Variants in SUCLG2 observed in about 807,000 individuals in gnomAD.
SUCLG2 encodes succinate-CoA ligase GDP-forming subunit beta.
SUCLG2 carries 42 observed loss-of-function variants against 47.9 expected under a neutral mutation model. The observed-to-expected ratio is 0.88, with a 90% CI of 0.69 to 1.14. The LOEUF is 1.14. SUCLG2 is among the 50% of genes most tolerant of loss of function. The pLI is 0.00. For synonymous variants in SUCLG2, 195 were observed against 197.3 expected, an observed-to-expected ratio of 0.99 and a Z score of 0.10; for missense variants, 571 against 525.9, an observed-to-expected ratio of 1.09 and a Z score of -0.84.
At chr3:67,654,468 C>T in intron 1 of SUCLG2, 35 bp downstream of exon 1, 1 of 1,228,332 alleles carries the variant, frequency 8.1e-7, no homozygotes, top group Non-Finnish European at 1.0e-6. Flanking sequence ...GCCGGCGCCG[C>T]TGCTGGCGCC....
chr3:67,558,485 C>T (rs1387355835), intron 2 of SUCLG2, among the ~76,000 whole-genome samples: 1 of 152,154 alleles, frequency 6.6e-6, no homozygotes. Flanking sequence ...ATGGTCCCAC[C>T]TGGCTTGTAG....
intron 2 of SUCLG2, among the ~76,000 whole-genome samples, chr3:67,592,416 TTA>T (rs1159108173): frequency 6.6e-6 from 1 of 152,182 alleles, no homozygotes; most frequent in Non-Finnish European, 1.5e-5. Flanking sequence ...TGATAAGACC[TTA>T]TGGAGCAACT....
downstream of SUCLG2, among the ~76,000 whole-genome samples, chr3:67,372,044 G>T (rs891046577): frequency 1.3e-5 from 2 of 152,140 alleles, no homozygotes; most frequent in East Asian, 3.9e-4. Flanking sequence ...AGGAGATTTA[G>T]ACCAGAGAGC....
intron 10 of SUCLG2, among the ~76,000 whole-genome samples, chr3:67,385,079 T>C (rs1436637373): frequency 6.6e-6 from 1 of 152,240 alleles, no homozygotes; most frequent in African/African-American, 2.4e-5. Flanking sequence ...TCGCTCTTTT[T>C]GATGGCTCAT....
At chr3:67,520,808 T>G (rs1706080659) in intron 4 of SUCLG2, among the ~76,000 whole-genome samples, 174 bp from the exon 5 acceptor site, 1 of 152,158 alleles carries the variant, frequency 6.6e-6, no homozygotes, top group Non-Finnish European at 1.5e-5. Context: ...CAATGCCCAT[T>G]TTCACCTCCT....
At chr3:67,495,248 A>G (rs916434267) in intron 9 of SUCLG2, among the ~76,000 whole-genome samples, 1 of 152,172 alleles carries the variant, frequency 6.6e-6, no homozygotes, top group Non-Finnish European at 1.5e-5. Flanking sequence ...GGCACACTGT[A>G]TCTTTTTTAT....
At chr3:67,372,542 T>A (rs867466478), downstream of SUCLG2, among the ~76,000 whole-genome samples, 1 of 152,176 alleles carries the variant, frequency 6.6e-6, no homozygotes, top group Non-Finnish European at 1.5e-5. Context: ...ATTATTCCAA[T>A]GCACCTGTGA....
chr3:67,498,338 G>T, intron 7 of SUCLG2, 43 bp from the exon 8 acceptor site: 3 of 1,595,512 alleles, frequency 1.9e-6, no homozygotes, highest in Non-Finnish European at 2.6e-6. Context: ...ATCTCTTGAG[G>T]ATCTATAAAT....
intron 2 of SUCLG2, among the ~76,000 whole-genome samples, chr3:67,558,897 TA>T (rs1253357045): frequency 1.2e-4 from 19 of 152,248 alleles, no homozygotes; most frequent in Admixed American, 1.2e-3. Flanking sequence ...CCTATTTTAT[TA>T]AAATCATCAG....
intron 9 of SUCLG2, among the ~76,000 whole-genome samples, chr3:67,473,617 C>T (rs1704660518): frequency 6.6e-6 from 1 of 152,122 alleles, no homozygotes; most frequent in South Asian, 2.1e-4. Context: ...TTGCACACTT[C>T]ATTTTAGAGG....
At chr3:67,568,952 G>A (rs943106107) in intron 2 of SUCLG2, among the ~76,000 whole-genome samples, 2 of 152,304 alleles carry the variant, frequency 1.3e-5, no homozygotes, top group East Asian at 1.9e-4. Flanking sequence ...GCTATATGGA[G>A]TTTCCACTTT....
chr3:67,486,916 C>A (rs575803871), intron 9 of SUCLG2, among the ~76,000 whole-genome samples: 6 of 152,278 alleles, frequency 3.9e-5, no homozygotes, highest in Admixed American at 1.3e-4. Context: ...CTTGAATGAC[C>A]TTGAAAGTGC....
At chr3:67,479,634 G>A (rs999738442) in intron 9 of SUCLG2, among the ~76,000 whole-genome samples, 3 of 152,204 alleles carry the variant, frequency 2.0e-5, no homozygotes, top group African/African-American at 7.2e-5. Flanking sequence ...GAAAGAAAGC[G>A]CTAAGAGTGA....
chr3:67,366,753 G>C (rs1379470608), intron 10 of SUCLG2, among the ~76,000 whole-genome samples: 1 of 152,144 alleles, frequency 6.6e-6, no homozygotes, highest in Non-Finnish European at 1.5e-5. Context: ...AGTTTGGGAA[G>C]AACTGTTAGC....
chr3:67,371,908 CAAT>C (rs1349409024), downstream of SUCLG2, among the ~76,000 whole-genome samples: 3 of 152,242 alleles, frequency 2.0e-5, no homozygotes, highest in Non-Finnish European at 4.4e-5. Flanking sequence ...AGTAAAACAA[CAAT>C]GACAGATTCA....
intron 2 of SUCLG2, among the ~76,000 whole-genome samples, chr3:67,550,394 C>T (rs1706981282): frequency 1.3e-5 from 2 of 152,050 alleles, no homozygotes; most frequent in South Asian, 4.1e-4. Flanking sequence ...GGCTGGGGTA[C>T]AGTGAAATGA....
At chr3:67,507,546 A>T (rs1345299583) in intron 7 of SUCLG2, among the ~76,000 whole-genome samples, 2 of 151,532 alleles carry the variant, frequency 1.3e-5, no homozygotes, top group Non-Finnish European at 2.9e-5. Flanking sequence ...AAAAAAAAAG[A>T]CCTGAAACTT....
intron 2 of SUCLG2, among the ~76,000 whole-genome samples, chr3:67,576,348 G>A (rs1191158612): frequency 2.6e-5 from 4 of 151,732 alleles, no homozygotes; most frequent in Non-Finnish European, 5.9e-5. Context: ...TTTGTATAAA[G>A]CAAATCACAG....
At chr3:67,580,876 A>G (rs1707863686) in intron 2 of SUCLG2, among the ~76,000 whole-genome samples, 1 of 152,200 alleles carries the variant, frequency 6.6e-6, no homozygotes, top group Admixed American at 6.5e-5. Context: ...TTTGTGGGAA[A>G]TTGTTTAGAG....
Sources: gnomAD v4.1 joint callset for allele counts (sites outside exome capture counted in the v4.1 genomes callset) on GRCh38, gnomAD v4.1.1 for gene constraint, MANE v1.5 for transcripts, NCBI Gene and HGNC (gene_info 2026-07-23, HGNC 2026-07-21) for gene names.